The following CDK14 variants were observed in gnomAD, a reference collection of about 807,000 sequenced individuals.
The protein encoded by CDK14 is cyclin-dependent kinase 14.
A neutral mutation model predicts 60.7 loss-of-function variants in CDK14; 34 were observed. That is an observed-to-expected ratio of 0.56 (90% CI 0.43 to 0.75). CDK14 has a LOEUF of 0.75. CDK14 is among the 30% of genes least tolerant of loss of function. The probability of loss-of-function intolerance (pLI) is 0.00; values close to 1 mark genes in which losing one functional copy is unlikely to be tolerated. For missense variants in CDK14, 482 were observed against 564.1 expected (o/e 0.85, Z 1.47); for synonymous variants, 197 against 203.7 (o/e 0.97, Z 0.28).
intron 2 of CDK14, among the ~76,000 whole-genome samples, chr7:90,722,913 T>C (rs972882358): frequency 2.0e-5 from 3 of 152,220 alleles, no homozygotes; most frequent in Admixed American, 6.5e-5. Flanking sequence ...TTGGAGTTCC[T>C]CTGTTTCCTG....
chr7:90,841,266 G>C (rs1790281156), intron 5 of CDK14, among the ~76,000 whole-genome samples: 1 of 151,940 alleles, frequency 6.6e-6, no homozygotes, highest in African/African-American at 2.4e-5. Flanking sequence ...ATACAATATA[G>C]AAAACAAACA....
chr7:90,925,534 G>C (rs1793391685), intron 8 of CDK14, among the ~76,000 whole-genome samples: 2 of 152,170 alleles, frequency 1.3e-5, no homozygotes, highest in Admixed American at 6.5e-5. Context: ...AGAGCATATT[G>C]TTATAAGAAT....
chr7:90,843,788 T>C (rs897231881), intron 5 of CDK14, among the ~76,000 whole-genome samples: 13 of 152,300 alleles, frequency 8.5e-5, no homozygotes, highest in African/African-American at 3.1e-4. Context: ...AAAGGCATGC[T>C]GTAGGGAAGG....
At chr7:90,923,299 CAG>C (rs1224016184) in intron 8 of CDK14, among the ~76,000 whole-genome samples, 2 of 152,060 alleles carry the variant, frequency 1.3e-5, no homozygotes, top group East Asian at 1.9e-4. Context: ...TTAGTAGAGA[CAG>C]GGTTTCACCG....
chr7:90,905,504 A>G (rs577262405), intron 7 of CDK14, among the ~76,000 whole-genome samples: 1 of 152,264 alleles, frequency 6.6e-6, no homozygotes, highest in East Asian at 1.9e-4. Context: ...TTAAACATTG[A>G]ATGTTGATGT....
In CDK14 at chr7:90,901,591, A is replaced by G. The variant is rs1792506507; in HGVS notation, c.702+2238A>G. On this transcript the variant is annotated intron_variant, in intron 7 of 14. Coordinates refer to ENST00000380050, the MANE Select transcript of CDK14 (RefSeq NM_001287135.2). ...CCTGGACAGTCTCAGTGCTTGGCATATTTGTGGATACAAGAAACCTCAGTA... is the reference window on the plus strand; with the variant it reads ...CCTGGACAGTCTCAGTGCTTGGCATGTTTGTGGATACAAGAAACCTCAGTA... Among the ~76,000 whole-genome samples, 2 of 152,002 alleles carry G rather than the reference A, an allele frequency of 1.3e-5. 1 individual carries two copies. The highest frequency in any genetic ancestry group is 4.1e-4 in the South Asian group (2 of 4,820).
chr7:91,013,786 A>C (rs1236042189), intron 10 of CDK14, among the ~76,000 whole-genome samples: 1 of 151,720 alleles, frequency 6.6e-6, no homozygotes, highest in East Asian at 1.9e-4. Context: ...TATATAACAG[A>C]ATTAATTGAG....
At chr7:91,082,800 G>A (rs57091024) in intron 12 of CDK14, among the ~76,000 whole-genome samples, 2,581 of 152,190 alleles carry the variant, frequency 0.017, 77 homozygotes, top group African/African-American at 0.058. Flanking sequence ...GAGGAATAAC[G>A]TAACTTTCAC....
intron 9 of CDK14, among the ~76,000 whole-genome samples, chr7:90,962,173 A>G (rs562240175): frequency 6.8e-6 from 1 of 147,936 alleles, no homozygotes; most frequent in Non-Finnish European, 1.5e-5. Flanking sequence ...GAAAGGAAGC[A>G]CCTCTATTTT....
At chr7:91,032,071 T>TC (rs1288882331) in intron 10 of CDK14, among the ~76,000 whole-genome samples, 1 of 152,172 alleles carries the variant, frequency 6.6e-6, no homozygotes, top group African/African-American at 2.4e-5. Context: ...TCATAAAGGG[T>TC]CATACATCCA....
At chr7:90,820,500 G>A (rs1322192651) in intron 5 of CDK14, among the ~76,000 whole-genome samples, 9 of 151,984 alleles carry the variant, frequency 5.9e-5, no homozygotes, top group Non-Finnish European at 1.2e-4. Context: ...TCCCTGCCTC[G>A]CTCTGTCTCT....
At chr7:91,023,854 C>T (rs554967037) in intron 10 of CDK14, among the ~76,000 whole-genome samples, 1 of 152,232 alleles carries the variant, frequency 6.6e-6, no homozygotes, top group African/African-American at 2.4e-5. Flanking sequence ...CTCACGGCAA[C>T]CTCCGCCTCC....
intron 14 of CDK14, among the ~76,000 whole-genome samples, chr7:91,206,735 T>A (rs1802911280): frequency 6.6e-6 from 1 of 152,214 alleles, no homozygotes; most frequent in South Asian, 2.1e-4. Flanking sequence ...TGAATTTTTT[T>A]AAAAGCGTGT....
At chr7:90,629,560 TA>T (rs1422205553) in intron 2 of CDK14, among the ~76,000 whole-genome samples, 1 of 152,156 alleles carries the variant, frequency 6.6e-6, no homozygotes, top group Non-Finnish European at 1.5e-5. Flanking sequence ...TTGTCCCAAA[TA>T]ATGAAGTGTG....
Position 90,878,093 on chromosome 7 carries a change from T to TGA in CDK14, c.639+14841_639+14842dup, listed in dbSNP as rs1032159968. Among the ~76,000 whole-genome samples the TGA allele has an allele frequency of 7.5e-4, 112 of 149,756 alleles. 1 individual carries two copies. The highest frequency in any genetic ancestry group is 3.4e-3 in the Middle Eastern group (1 of 290). On this transcript the variant is annotated intron_variant, in intron 6 of 14. Coordinates refer to ENST00000380050, the MANE Select transcript of CDK14 (RefSeq NM_001287135.2). ...GTGGCTGTGTGTGTGTGTGTGTGTG[T>TGA]GAGAGAGAGAGAGAGAGACAGAGAG...
intron 11 of CDK14, among the ~76,000 whole-genome samples, chr7:91,070,943 T>C (rs1019425468): frequency 1.3e-5 from 2 of 152,164 alleles, no homozygotes; most frequent in African/African-American, 2.4e-5. Context: ...CAGGCTCTTA[T>C]ATATTTTGGA....
rs2117419251 is a variant in CDK14 at position 90,917,687 on chromosome 7, G to A, written c.789G>A (p.Leu263=). 6 of 1,613,678 alleles carry A rather than the reference G, an allele frequency of 3.7e-6. No individual in the cohort carries two copies. The highest frequency in any genetic ancestry group is 5.1e-6 in the Non-Finnish European group (6 of 1,179,662). ...LHRDLKPQNL[L]ISDTGELKLA... is the part of the protein sequence containing the mutation. ...GAGACCTGAAACCACAGAACCTTCTGATCAGTGACACGGGGGAGTTAAAGC... is the reference window on the plus strand; with the variant it reads ...GAGACCTGAAACCACAGAACCTTCTAATCAGTGACACGGGGGAGTTAAAGC... The change falls in exon 8 of 15, where the codon CTG becomes CTA. Residue 263 remains leucine, a synonymous_variant. Transcript: ENST00000380050.
At chr7:90,946,338 C>T (rs995819319) in intron 8 of CDK14, among the ~76,000 whole-genome samples, 1 of 152,042 alleles carries the variant, frequency 6.6e-6, no homozygotes, top group African/African-American at 2.4e-5. Flanking sequence ...TCAAGACAAC[C>T]AAGATTGTCA....
chr7:90,908,761 A>G (rs886140431), intron 7 of CDK14, among the ~76,000 whole-genome samples: 30 of 152,200 alleles, frequency 2.0e-4, no homozygotes, highest in African/African-American at 7.0e-4. Flanking sequence ...CTGTTACTTC[A>G]GACCCCTCTG....
Sources: gnomAD v4.1 joint callset for allele counts (sites outside exome capture counted in the v4.1 genomes callset) on GRCh38, gnomAD v4.1.1 for gene constraint, MANE v1.5 for transcripts, NCBI Gene and HGNC (gene_info 2026-07-23, HGNC 2026-07-21) for gene names.